SMAD4: variants seen among roughly 807,000 people sequenced by gnomAD.
SMAD4 encodes SMAD family member 4.
Under a neutral mutation model 63.2 loss-of-function variants are expected in SMAD4, and 7 were observed. The observed-to-expected ratio is 0.11, with a 90% CI of 0.06 to 0.21. The LOEUF (loss-of-function observed/expected upper bound fraction) is 0.21, where lower values mean the gene tolerates loss of function less well. Among genes scored for constraint, SMAD4 ranks in the 10% least tolerant of loss-of-function variants. The pLI, the probability that SMAD4 is intolerant of heterozygous loss-of-function variation, is 1.00. For synonymous variants in SMAD4, 215 were observed against 235.4 expected (o/e 0.91, Z 0.79); for missense variants, 312 against 693.8 (o/e 0.45, Z 6.18).
intron 5 of SMAD4, among the ~76,000 whole-genome samples, chr18:51,055,300 A>G (rs1223957385): frequency 6.6e-6 from 1 of 152,172 alleles, no homozygotes; most frequent in African/African-American, 2.4e-5. Flanking sequence ...AGTAGTTTTG[A>G]TCCAAGATGT....
At chr18:51,064,204 T>C (rs1442495669) in intron 8 of SMAD4, among the ~76,000 whole-genome samples, 1 of 152,224 alleles carries the variant, frequency 6.6e-6, no homozygotes, top group African/African-American at 2.4e-5. Flanking sequence ...CTTTTAAATA[T>C]GTCGAACCTA....
intron 10 of SMAD4, among the ~76,000 whole-genome samples, chr18:51,071,733 A>G (rs1910323401): frequency 6.6e-6 from 1 of 152,192 alleles, no homozygotes; most frequent in Admixed American, 6.5e-5. Context: ...GAGCATTTTC[A>G]TGACTGTGGA....
chr18:51,067,520 C>G (rs1365839796), intron 10 of SMAD4, among the ~76,000 whole-genome samples: 1 of 152,088 alleles, frequency 6.6e-6, no homozygotes, highest in Non-Finnish European at 1.5e-5. Flanking sequence ...TCAAGCAATT[C>G]TCGTGCCTCA....
At chr18:51,075,387 G>A (rs915340267) in intron 10 of SMAD4, among the ~76,000 whole-genome samples, 1 of 152,086 alleles carries the variant, frequency 6.6e-6, no homozygotes, top group Non-Finnish European at 1.5e-5. Flanking sequence ...ATGCTTGCTT[G>A]TATTGGGCCC....
rs1486238502 is a variant in SMAD4, at chr18:51,043,592, A to T, written c.-127-3328A>T. On this transcript the variant is annotated intron_variant, in intron 1 of 11. Transcript: ENST00000342988. ...CATAACTTTTAATTATGTTTCAGGC[A>T]CTTGTGGTCATAGGAATACAATAAA... is the stretch of plus-strand genomic sequence containing the variant. 5.3e-5 allele frequency among the ~76,000 whole-genome samples: 8 copies of T among 152,270 alleles called. No individual in the cohort carries two copies. The East Asian group carries it at 1.5e-3, about 29-fold the overall frequency.
intron 7 of SMAD4, among the ~76,000 whole-genome samples, chr18:51,059,334 T>G (rs1909941157): frequency 6.6e-6 from 1 of 152,160 alleles, no homozygotes. Context: ...TTCACCTCAT[T>G]AAGCCTCAAG....
chr18:51,054,624 A>G, intron 4 of SMAD4, 157 bp from the exon 5 acceptor site: 1 of 614,866 alleles, frequency 1.6e-6, no homozygotes, highest in South Asian at 2.0e-5. Flanking sequence ...CTGGTAAAGT[A>G]GTATGCTTTT....
chr18:51,054,442 G>T, intron 4 of SMAD4: 2 of 283,668 alleles, frequency 7.1e-6, no homozygotes, highest in Non-Finnish European at 1.4e-5. Flanking sequence ...TTCGGTTTTT[G>T]CCTGCCTTAT....
chr18:51,050,098 C>A (rs191983603), intron 4 of SMAD4, among the ~76,000 whole-genome samples: 250 of 152,256 alleles, frequency 1.6e-3, no homozygotes, highest in Middle Eastern at 3.4e-3. Context: ...TGGTTCACAC[C>A]TGTAATCCCA....
chr18:51,033,051 A>C (rs1469934704), intron 1 of SMAD4, among the ~76,000 whole-genome samples: 1 of 152,042 alleles, frequency 6.6e-6, no homozygotes, highest in Non-Finnish European at 1.5e-5. Flanking sequence ...GTTACGCCCC[A>C]AAATTTTTTT....
chr18:51,047,311 G>T lies in SMAD4; in HGVS notation c.249+16G>T. The T allele has an allele frequency of 6.2e-7, 1 of 1,612,184 alleles. No homozygotes were observed. Among genetic ancestry groups the T allele is most frequent in the Non-Finnish European group, 8.5e-7 (1 of 1,178,602 alleles). ...GAGGCTTCAGGTTAGTCTTATAAGA[G>T]TTTTTCTATACCCTCTATGGTGGCA... On this transcript the variant is annotated intron_variant, in intron 2 of 11. Transcript: ENST00000342988.
intron 8 of SMAD4, among the ~76,000 whole-genome samples, chr18:51,062,094 A>G (rs1186618291): frequency 6.6e-6 from 1 of 152,198 alleles, no homozygotes; most frequent in East Asian, 1.9e-4. Flanking sequence ...AGAGGCAAAT[A>G]CTTGTTCTGG....
chr18:51,042,328 CCTCTCTCCCTCT>C (rs1398630245), intron 1 of SMAD4, among the ~76,000 whole-genome samples: 3 of 112,504 alleles, frequency 2.7e-5, no homozygotes, highest in Admixed American at 1.0e-4. Context: ...TCCCTCCCTC[CCTCTCTCCCTCT>C]CTCTTTCTCT....
chr18:51,060,507 G>A (rs1306073023), intron 8 of SMAD4, among the ~76,000 whole-genome samples: 4 of 151,938 alleles, frequency 2.6e-5, no homozygotes, highest in African/African-American at 9.7e-5. Flanking sequence ...TCATCCTTTC[G>A]TATCTGTTTT....
intron 10 of SMAD4, among the ~76,000 whole-genome samples, chr18:51,069,450 A>C (rs1196494979): frequency 1.3e-5 from 2 of 151,984 alleles, no homozygotes; most frequent in African/African-American, 4.8e-5. Flanking sequence ...GGATTTCCTT[A>C]TATGTTTTGT....
chr18:51,059,496 G>A (rs1170807959), intron 7 of SMAD4, among the ~76,000 whole-genome samples: 5 of 152,096 alleles, frequency 3.3e-5, no homozygotes, highest in Non-Finnish European at 1.5e-5. Flanking sequence ...ATTAACATAA[G>A]CACTTGTTTT....
At chr18:51,071,003 A>T (rs1387035470) in intron 10 of SMAD4, among the ~76,000 whole-genome samples, 1 of 152,182 alleles carries the variant, frequency 6.6e-6, no homozygotes, top group Non-Finnish European at 1.5e-5. Context: ...AACATAGTAT[A>T]TGCACAGTAC....
chr18:51,073,208 G>A (rs1274752053), intron 10 of SMAD4, among the ~76,000 whole-genome samples: 5 of 151,380 alleles, frequency 3.3e-5, no homozygotes, highest in Non-Finnish European at 7.4e-5. Context: ...TCCTAATTGC[G>A]ATTATTTACA....
At chr18:51,064,941 A>T (rs1174474219) in intron 8 of SMAD4, among the ~76,000 whole-genome samples, 1 of 152,218 alleles carries the variant, frequency 6.6e-6, no homozygotes, top group Non-Finnish European at 1.5e-5. Context: ...TCATGAGTCG[A>T]TGTTATTCAA....
Sources: gnomAD v4.1 joint callset for allele counts (sites outside exome capture counted in the v4.1 genomes callset) on GRCh38, gnomAD v4.1.1 for gene constraint, MANE v1.5 for transcripts, NCBI Gene and HGNC (gene_info 2026-07-23, HGNC 2026-07-21) for gene names.